CSMD2: variants seen among roughly 807,000 people sequenced by gnomAD.
CSMD2 encodes CUB and sushi domain-containing protein 2.
CSMD2 carries 130 observed loss-of-function variants against 398.5 expected under a neutral mutation model. The observed-to-expected ratio is 0.33, with a 90% confidence interval of 0.28 to 0.38. The LOEUF is 0.38. Ranked by LOEUF, CSMD2 falls within the 10% of genes least tolerant of loss-of-function variation. CSMD2 has a pLI of 1.00. For missense variants in CSMD2, 3,829 were observed against 4,764.9 expected (o/e 0.80, Z 5.78); for synonymous variants, 1,828 against 1,908.5 (o/e 0.96, Z 1.10).
intron 5 of CSMD2, among the ~76,000 whole-genome samples, chr1:33,874,501 A>T (rs184507136): frequency 1.4e-3 from 207 of 152,204 alleles, no homozygotes; most frequent in Non-Finnish European, 2.6e-3. Flanking sequence ...CAAATACCAG[A>T]GTATTTGTAT....
intron 3 of CSMD2, among the ~76,000 whole-genome samples, chr1:33,976,469 A>G (rs886789181): frequency 1.4e-4 from 22 of 152,166 alleles, no homozygotes; most frequent in African/African-American, 5.3e-4. Flanking sequence ...TCTCAGCAGG[A>G]TGTGGGATGC....
At chr1:33,890,938 A>G (rs1041832992) in intron 5 of CSMD2, among the ~76,000 whole-genome samples, 4 of 152,240 alleles carry the variant, frequency 2.6e-5, no homozygotes, top group African/African-American at 9.6e-5. Flanking sequence ...ACCTAAAACC[A>G]TAAAAACCCT....
At position 34,161,995 on chromosome 1, in the gene CSMD2, A is replaced by AC. The variant is rs375665345; in HGVS notation, c.187+2915dup. Among the ~76,000 whole-genome samples the AC allele has an allele frequency of 5.3e-3, 797 of 151,132 alleles. 6 individuals are homozygous for AC. Among genetic ancestry groups the AC allele is most frequent in the African/African-American group, 0.018 (724 of 41,080 alleles). On this transcript the variant is annotated intron_variant, in intron 1 of 70. Coordinates refer to ENST00000373381, the MANE Select transcript of CSMD2 (RefSeq NM_001281956.2). ...AGACCAGCCTGACCAACATGGAGAA[A>AC]CCCCCCTTCTCTATTAAAAATACAA...
intron 21 of CSMD2, among the ~76,000 whole-genome samples, chr1:33,714,345 AG>A (rs1393852717): frequency 6.6e-6 from 1 of 152,214 alleles, no homozygotes; most frequent in Non-Finnish European, 1.5e-5. Context: ...TAATTTGTAA[AG>A]GTCACTGTAG....
intron 7 of CSMD2, among the ~76,000 whole-genome samples, chr1:33,821,306 G>A (rs1051525827): frequency 6.6e-6 from 1 of 152,196 alleles, no homozygotes; most frequent in Non-Finnish European, 1.5e-5. Context: ...GCTTGGTCAG[G>A]GGGCAGCGGA....
At chr1:33,708,498 C>CAT (rs1342682089) in intron 22 of CSMD2, among the ~76,000 whole-genome samples, 2 of 152,056 alleles carry the variant, frequency 1.3e-5, no homozygotes, top group Admixed American at 1.3e-4. Flanking sequence ...CACACACATG[C>CAT]ATATATATAC....
chr1:33,821,979 TGAAGAGTGACAAG>T (rs987010009), intron 7 of CSMD2, among the ~76,000 whole-genome samples: 2 of 151,664 alleles, frequency 1.3e-5, no homozygotes, highest in Non-Finnish European at 2.9e-5. Context: ...GGAGGGAAGG[TGAAGAGTGACAAG>T]GAAGAGTGGA....
chr1:33,587,094 T>A lies in CSMD2; in HGVS notation c.6931A>T (p.Asn2311Tyr). 1 of 1,604,344 alleles carries A rather than the reference T, an allele frequency of 6.2e-7. No individual in the cohort carries two copies. The highest frequency in any genetic ancestry group is 8.5e-7 in the Non-Finnish European group (1 of 1,175,474). Reference sequence around the variant, plus strand: ...CTGGCTTGGGAGGTGGTACCTATATTGAATTCTTCATTCTCTGTGACGACT... The same window carrying A: ...CTGGCTTGGGAGGTGGTACCTATATAGAATTCTTCATTCTCTGTGACGACT... ...AEVVTENEEF[N>Y]IGDIVRYRCL... Residue 2311 changes from asparagine (N) to tyrosine (Y), a missense_variant, in exon 45 of 71, where the codon AAT becomes TAT. By Grantham distance (143) the Asn-to-Tyr change is moderately radical. Transcript: ENST00000373381.
intron 25 of CSMD2, among the ~76,000 whole-genome samples, chr1:33,678,857 A>G (rs1644808643): frequency 6.6e-6 from 1 of 152,228 alleles, no homozygotes; most frequent in African/African-American, 2.4e-5. Context: ...AAGAAATAAA[A>G]GATTCTTTGG....
Position 33,778,960 on chromosome 1 carries a change from C to T in CSMD2, c.1664-6209G>A, listed in dbSNP as rs528890375. Among the ~76,000 whole-genome samples, 464 of 152,288 alleles carry T rather than the reference C, an allele frequency of 3.0e-3. 4 individuals carry two copies. Among genetic ancestry groups the T allele is most frequent in the African/African-American group, 9.6e-3 (399 of 41,560 alleles). On this transcript the variant is annotated intron_variant, in intron 12 of 70. Transcript: ENST00000373381. ...CCACATACCCAGAACCCTCTGCTAT[C>T]CACCCCGTCTCTCCCTGCCTGAGTT...
In CSMD2 at chr1:33,792,529, A is replaced by G. The variant is rs2124875794; in HGVS notation, c.1447-3T>C. The G allele has an allele frequency of 6.2e-7, 1 of 1,606,236 alleles. No homozygotes were observed. The highest frequency in any genetic ancestry group is 2.2e-5 in the East Asian group (1 of 44,832). On this transcript the variant is annotated splice_region_variant and splice_polypyrimidine_tract_variant and intron_variant, in intron 10 of 70. Transcript: ENST00000373381. The stretch of plus-strand genomic sequence containing the variant: ...TCCTCAAAGGCGAGCTTGATCACCT[A>G]GGGAGGGAACACAGGGTTAGGAGCA...
At chr1:34,131,358 T>C (rs1663333253) in intron 1 of CSMD2, among the ~76,000 whole-genome samples, 1 of 152,048 alleles carries the variant, frequency 6.6e-6, no homozygotes, top group African/African-American at 2.4e-5. Context: ...GGGGGGGGTC[T>C]TAATTTTTCT....
intron 2 of CSMD2, among the ~76,000 whole-genome samples, chr1:34,052,530 T>TGTGTGA (rs34033926): frequency 6.8e-6 from 1 of 147,446 alleles, no homozygotes; most frequent in Admixed American, 6.8e-5. Flanking sequence ...TGTGTGTGTG[T>TGTGTGA]AAGAAAGAGA....
intron 3 of CSMD2, among the ~76,000 whole-genome samples, chr1:34,025,888 C>T (rs748575880): frequency 1.2e-3 from 186 of 152,290 alleles, no homozygotes; most frequent in Non-Finnish European, 1.7e-3. Context: ...AGACACACCA[C>T]GAACAGCTGG....
At chr1:33,541,451 T>A (rs187134892) in intron 58 of CSMD2, 142 bp from the exon 59 acceptor site, 2 of 675,152 alleles carry the variant, frequency 3.0e-6, no homozygotes, top group African/African-American at 3.6e-5. Context: ...AGGATCCCAG[T>A]TGGACATTAC....
At chr1:33,732,047 A>G (rs576567467) in intron 15 of CSMD2, among the ~76,000 whole-genome samples, 1 of 152,194 alleles carries the variant, frequency 6.6e-6, no homozygotes, top group Non-Finnish European at 1.5e-5. Flanking sequence ...CTGTTTTGGT[A>G]TATGTTTGAA....
At chr1:34,141,306 C>A (rs1336753399) in intron 1 of CSMD2, among the ~76,000 whole-genome samples, 2 of 152,074 alleles carry the variant, frequency 1.3e-5, no homozygotes, top group Admixed American at 1.3e-4. Context: ...TTGGGCATAC[C>A]ACAGAGAACA....
intron 37 of CSMD2, 55 bp from the exon 38 acceptor site, chr1:33,617,672 G>C: frequency 7.3e-7 from 1 of 1,373,218 alleles, no homozygotes; most frequent in Non-Finnish European, 1.0e-6. Context: ...GCAGGTCAAC[G>C]TGGCGGTAGG....
chr1:33,943,387 C>A lies in CSMD2; in HGVS notation c.518-7433G>T, dbSNP rs879493570. Among the ~76,000 whole-genome samples, 3 of 152,154 alleles carry A rather than the reference C, an allele frequency of 2.0e-5. No homozygotes were observed. The East Asian group carries it at 5.8e-4, about 29-fold the overall frequency. ...AGCCACACTTAAATGTCACCTCCTCCGTAAAGCCCTCCTTGATACCCTAAG... is the reference window on the plus strand; with the variant it reads ...AGCCACACTTAAATGTCACCTCCTCAGTAAAGCCCTCCTTGATACCCTAAG... On this transcript the variant is annotated intron_variant, in intron 3 of 70. Coordinates refer to ENST00000373381, the MANE Select transcript of CSMD2 (RefSeq NM_001281956.2).
Sources: gnomAD v4.1 joint callset for allele counts (sites outside exome capture counted in the v4.1 genomes callset) on GRCh38, gnomAD v4.1.1 for gene constraint, MANE v1.5 for transcripts, NCBI Gene and HGNC (gene_info 2026-07-23, HGNC 2026-07-21) for gene names.